Variants in CD46 observed in about 807,000 individuals in gnomAD.
CD46 encodes the protein membrane cofactor protein.
A neutral mutation model predicts 53.3 loss-of-function variants in CD46; 30 were observed. The ratio of observed to expected loss-of-function variants is 0.56; its 90% CI spans 0.42 to 0.76. The LOEUF is 0.76. Among genes scored for constraint, CD46 ranks in the 30% least tolerant of loss-of-function variants. The pLI is 0.00. For synonymous variants in CD46, 142 were observed against 152.0 expected (o/e 0.93, Z 0.48); for missense variants, 409 against 463.0 (o/e 0.88, Z 1.07).
chr1:207,776,841 G>C (rs1250894032), intron 8 of CD46, among the ~76,000 whole-genome samples: 2 of 152,144 alleles, frequency 1.3e-5, no homozygotes, highest in Non-Finnish European at 2.9e-5. Flanking sequence ...TTGCCATGTT[G>C]GCAAGTCTTT....
intron 8 of CD46, among the ~76,000 whole-genome samples, chr1:207,777,457 T>TA (rs1658240022): frequency 6.6e-6 from 1 of 152,064 alleles, no homozygotes; most frequent in Non-Finnish European, 1.5e-5. Flanking sequence ...TAGTACCCAA[T>TA]AGTTACCTTT....
intron 11 of CD46, among the ~76,000 whole-genome samples, chr1:207,786,832 C>T (rs368749678): frequency 1.3e-4 from 20 of 152,088 alleles, no homozygotes; most frequent in African/African-American, 4.1e-4. Flanking sequence ...TTTGATTTAT[C>T]TATCAGTTGT....
chr1:207,777,616 G>A (rs567360749), intron 8 of CD46, among the ~76,000 whole-genome samples: 1 of 152,030 alleles, frequency 6.6e-6, no homozygotes, highest in South Asian at 2.1e-4. Flanking sequence ...GAAGACATGC[G>A]CTCGTTCTTT....
Position 207,790,297 on chromosome 1 carries a change from CTCTCTGAGAAGGAGAGAT to C in CD46, c.1128_*11del. 1 of 1,599,688 alleles carries C rather than the reference CTCTCTGAGAAGGAGAGAT, an allele frequency of 6.3e-7. No individual in the cohort carries two copies. The highest frequency in any genetic ancestry group is 8.6e-7 in the Non-Finnish European group (1 of 1,167,116). On this transcript the variant is annotated stop_lost and 3_prime_UTR_variant, in exon 12 of 13. Transcript: ENST00000367042. ...ACCCACAGAGAAGTAAAATTTACTT[CTCTCTGAGAAGGAGAGAT>C]GAGAGAAAGGTTTGCTTTTATCATT...
chr1:207,767,123 C>G lies in CD46; in HGVS notation c.784C>G (p.Leu262Val). Reference protein sequence around the residue: ...VMFECDKGFYLDGSDTIVCDS... With the variant: ...VMFECDKGFYVDGSDTIVCDS... Reference sequence around the variant, plus strand: ...GTTTGAATGCGATAAGGGTTTTTACCTCGATGGCAGCGACACAATTGTCTG... The same window carrying G: ...GTTTGAATGCGATAAGGGTTTTTACGTCGATGGCAGCGACACAATTGTCTG... The change falls in exon 6 of 13, where the codon CTC (leucine) becomes GTC (valine). Residue 262 changes from leucine to valine, a missense_variant. By Grantham distance (32) the Leu-to-Val change is conservative. Transcript: ENST00000367042. 6.2e-7 allele frequency: 1 copy of G among 1,613,810 alleles called. No individual in the cohort carries two copies.
chr1:207,785,594 T>C, intron 10 of CD46, 25 bp from the exon 11 acceptor site: 2 of 1,540,866 alleles, frequency 1.3e-6, no homozygotes, highest in Non-Finnish European at 1.8e-6. Context: ...GAATTATATG[T>C]CATTTGTTTC....
At chr1:207,767,695 C>T (rs768612809) in intron 6 of CD46, 84 bp from the exon 7 acceptor site, 23 of 1,580,828 alleles carry the variant, frequency 1.5e-5, no homozygotes, top group Admixed American at 6.7e-5. Context: ...TTATATGTTA[C>T]AAGATATAAG....
chr1:207,786,515 T>C (rs1349518334), intron 11 of CD46, among the ~76,000 whole-genome samples: 1 of 152,214 alleles, frequency 6.6e-6, no homozygotes, highest in Non-Finnish European at 1.5e-5. Context: ...AGACTAAGAT[T>C]AGGTGCTTTG....
At position 207,752,877 on chromosome 1, in the gene CD46, T is replaced by C. The variant is rs1210487793; in HGVS notation, c.97+568T>C. ...TAAGTGGCCTGTGTGCAGAGTTCAC[T>C]GTGGGCAAGACAGCTCAACTGTTTG... On this transcript the variant is annotated intron_variant, in intron 1 of 12. Coordinates refer to ENST00000367042, the MANE Select transcript of CD46 (RefSeq NM_172351.3). The surrounding 1 kb of genome is among the most constrained non-coding windows in gnomAD (Gnocchi z 4.1). Among the ~76,000 whole-genome samples, 3 of 152,014 alleles carry C rather than the reference T, an allele frequency of 2.0e-5. No homozygotes were observed. The highest frequency in any genetic ancestry group is 4.4e-5 in the Non-Finnish European group (3 of 67,994).
chr1:207,795,432 T>TA lies in CD46; in HGVS notation c.*1956dup, dbSNP rs1199291359. The TA allele has an allele frequency of 6.6e-6, 1 of 152,260 alleles. No individual in the cohort carries two copies. Among genetic ancestry groups the TA allele is most frequent in the African/African-American group, 2.4e-5 (1 of 41,472 alleles). The allele number at this position is 152,260 out of a possible 1,614,324, so 9.4% of individuals were successfully genotyped here. ...GCTATAAAATGAGAAGTCTCACTGA[T>TA]AGAGGTTCTTTATTGCTCATTTTTT... On this transcript the variant is annotated 3_prime_UTR_variant, in exon 13 of 13. Coordinates refer to ENST00000367042, the MANE Select transcript of CD46 (RefSeq NM_172351.3).
rs560026611 is a variant in CD46, at chr1:207,785,398, A to G, written c.1019-221A>G. Among the ~76,000 whole-genome samples the G allele has an allele frequency of 3.3e-5, 5 of 152,366 alleles. No homozygotes were observed. In the South Asian group the frequency reaches 1.0e-3, roughly 32 times the overall value. On this transcript the variant is annotated intron_variant, in intron 10 of 12. Transcript: ENST00000367042. ...CCAAATGTGCTTTTGATAGTTTTCT[A>G]AATTAAGCAAGGACTTTTCTCTGAC...
At chr1:207,792,889 T>C (rs1659930220) in intron 12 of CD46, among the ~76,000 whole-genome samples, 1 of 152,224 alleles carries the variant, frequency 6.6e-6, no homozygotes, top group Non-Finnish European at 1.5e-5. Flanking sequence ...TTATACTCGG[T>C]TAAAGAAAAT....
intron 11 of CD46, among the ~76,000 whole-genome samples, chr1:207,788,669 G>A (rs1051396119): frequency 1.3e-5 from 2 of 152,182 alleles, no homozygotes; most frequent in Non-Finnish European, 2.9e-5. Context: ...CTCCACTTCC[G>A]GGGGTAACTG....
chr1:207,785,063 T>C lies in CD46; in HGVS notation c.983-8T>C. 6.2e-7 allele frequency: 1 copy of C among 1,611,598 alleles called. No individual in the cohort carries two copies. Among genetic ancestry groups the C allele is most frequent in the Non-Finnish European group, 8.5e-7 (1 of 1,177,876 alleles). On this transcript the variant is annotated splice_polypyrimidine_tract_variant and splice_region_variant and intron_variant, in intron 9 of 12. Coordinates refer to ENST00000367042, the MANE Select transcript of CD46 (RefSeq NM_172351.3). ...TGTTCAACATCTTGGAACTGTTTTC[T>C]TTCTCAGATGTTTGGGTCATTGCTG... is the stretch of plus-strand genomic sequence containing the variant.
At chr1:207,792,583 A>T (rs1659902203) in intron 12 of CD46, among the ~76,000 whole-genome samples, 1 of 152,248 alleles carries the variant, frequency 6.6e-6, no homozygotes. Context: ...TAAATGGGTT[A>T]TTAAAGTATC....
chr1:207,781,421 C>T (rs1658722423), intron 8 of CD46, among the ~76,000 whole-genome samples: 1 of 152,056 alleles, frequency 6.6e-6, no homozygotes, highest in African/African-American at 2.4e-5. Flanking sequence ...ATTTGATGCA[C>T]AAAATTTGCT....
chr1:207,789,869 TGA>T (rs1491191208), intron 11 of CD46, among the ~76,000 whole-genome samples: 10 of 91,832 alleles, frequency 1.1e-4, no homozygotes, highest in African/African-American at 4.6e-4. Context: ...TGCTGTGTCT[TGA>T]AAAAAAAAAA....
At chr1:207,757,913 T>G (rs2102543583) in intron 3 of CD46, among the ~76,000 whole-genome samples, 1 of 152,334 alleles carries the variant, frequency 6.6e-6, no homozygotes, top group Admixed American at 6.5e-5. Flanking sequence ...AATTTGTCCT[T>G]CACAACTGAG....
At chr1:207,765,595 T>C (rs1346895359) in intron 5 of CD46, among the ~76,000 whole-genome samples, 1 of 152,026 alleles carries the variant, frequency 6.6e-6, no homozygotes, top group Non-Finnish European at 1.5e-5. Context: ...ATAAAAACTG[T>C]CTCTACTCAC....
Sources: gnomAD v4.1 joint callset for allele counts (sites outside exome capture counted in the v4.1 genomes callset) on GRCh38, gnomAD v4.1.1 for gene constraint, Gnocchi (gnomAD v3.1) non-coding constraint, MANE v1.5 for transcripts, NCBI Gene and HGNC (gene_info 2026-07-23, HGNC 2026-07-21) for gene names.